The following KRT16 variants were observed in gnomAD, a reference collection of about 807,000 sequenced individuals.
KRT16 encodes the protein keratin, type I cytoskeletal 16.
KRT16 carries 42 observed loss-of-function variants against 44.8 expected under a neutral mutation model. That is an observed-to-expected ratio of 0.94 (90% CI 0.73 to 1.21). KRT16 has a LOEUF of 1.21. Ranked by LOEUF, KRT16 falls within the 50% of genes most tolerant of loss-of-function variation. The pLI, the probability that KRT16 is intolerant of heterozygous loss-of-function variation, is 0.00. For missense variants in KRT16, 561 were observed against 626.9 expected (o/e 0.89, Z 1.12); for synonymous variants, 226 against 260.4 (o/e 0.87, Z 1.27).
intron 1 of KRT16, 92 bp from the exon 2 acceptor site, chr17:41,611,813 AAATCTGG>A: frequency 8.1e-7 from 1 of 1,233,010 alleles, no homozygotes; most frequent in Non-Finnish European, 1.2e-6. Flanking sequence ...GAACCGCCCC[AAATCTGG>A]AAGTCTTCTG....
rs1374734332 is a variant in KRT16, at chr17:41,612,202, C to A, written c.487G>T (p.Asp163Tyr). Residue 163 changes from aspartate (D) to tyrosine (Y), a missense_variant, in exon 1 of 8, where the codon GAC becomes TAC. By Grantham distance (160) the Asp-to-Tyr change is radical. Coordinates refer to ENST00000301653, the MANE Select transcript of KRT16 (RefSeq NM_005557.4). ...YQRQRPSEIK[D>Y]YSPYFKTIED... ...ATGGTCTTGAAGTAGGGACTGTAGT[C>A]TTTGATCTCACTGGGCCGCTGCCTC... 4 of 1,612,812 alleles carry A rather than the reference C, an allele frequency of 2.5e-6. No individual in the cohort carries two copies. The highest frequency in any genetic ancestry group is 3.4e-6 in the Non-Finnish European group (4 of 1,179,988).
At chr17:41,611,019 A>G in intron 4 of KRT16, 40 bp from the exon 5 acceptor site, 1 of 1,613,966 alleles carries the variant, frequency 6.2e-7, no homozygotes, top group Non-Finnish European at 8.5e-7. Context: ...GGCTCTCCCA[A>G]AGCCCCCAGC....
In KRT16 at chr17:41,611,455, T is replaced by C; in HGVS notation, c.661A>G (p.Asn221Asp). 1 of 1,614,112 alleles carries C rather than the reference T, an allele frequency of 6.2e-7. No homozygotes were observed. The highest frequency in any genetic ancestry group is 2.2e-5 in the East Asian group (1 of 44,874). The change falls in exon 3 of 8, where the codon AAT becomes GAT. Residue 221 changes from asparagine (N) to aspartate (D), a missense_variant. Physicochemically the swap from Asn to Asp is conservative, Grantham distance 23. Coordinates refer to ENST00000301653, the MANE Select transcript of KRT16 (RefSeq NM_005557.4). ...ALRQTVEADV[N>D]GLRRVLDELT... ...TCATCCAACACCCGGCGCAGGCCAT[T>C]GACGTCGGCCTCCACAGTCTGCCGC...
At chr17:41,611,028 G>A (rs7350939) in intron 4 of KRT16, 41 bp downstream of exon 4, 9 of 1,613,896 alleles carry the variant, frequency 5.6e-6, no homozygotes, top group Middle Eastern at 1.6e-4. Flanking sequence ...AAAGCCCCCA[G>A]CTGGGAAGTG....
intron 7 of KRT16, 40 bp from the exon 8 acceptor site, chr17:41,610,069 G>A (rs768876928): frequency 2.3e-5 from 36 of 1,578,654 alleles, no homozygotes; most frequent in Admixed American, 3.4e-5. Flanking sequence ...GGGTCTGAGA[G>A]CTAAGCTGAC....
chr17:41,610,428 G>C lies in KRT16; in HGVS notation c.1183C>G (p.Gln395Glu), dbSNP rs753640770. The C allele has an allele frequency of 2.5e-6, 4 of 1,612,124 alleles. No individual in the cohort carries two copies. The East Asian group carries it at 6.7e-5, about 27-fold the overall frequency. The change falls in exon 6 of 8, where the codon CAG (glutamine) becomes GAG (glutamate). Residue 395 changes from glutamine (Q) to glutamate (E), a missense_variant. Physicochemically the swap from Gln to Glu is conservative, Grantham distance 29 (BLOSUM62 2). Transcript: ENST00000301653. ...AAGATCTGGTACTCCTGGCTCTGCT[G>C]CTCCATCTCACAGCGTAGCTGGGCC... ...QLAQLRCEME[Q>E]QSQEYQILLD... is the part of the protein sequence containing the mutation.
intron 5 of KRT16, 48 bp downstream of exon 5, chr17:41,610,806 G>A: frequency 6.2e-7 from 1 of 1,612,098 alleles, no homozygotes; most frequent in Middle Eastern, 2.0e-4. Flanking sequence ...GGGGGTGGTG[G>A]CCATTACTGG....
At chr17:41,611,892 G>A (rs958456644) in intron 1 of KRT16, 171 bp from the exon 2 acceptor site, 7 of 783,206 alleles carry the variant, frequency 8.9e-6, no homozygotes, top group Admixed American at 4.1e-5. Context: ...ACTCCATCCC[G>A]ATCACCCCCT....
In KRT16 at chr17:41,610,903, C is replaced by T. The variant is rs141910921; in HGVS notation, c.1010G>A (p.Arg337Gln). 54 of 1,614,150 alleles carry T rather than the reference C, an allele frequency of 3.3e-5. 3 individuals carry two copies. The South Asian group carries it at 3.4e-4, about 10-fold the overall frequency. The change falls in exon 5 of 8, where the codon CGG (arginine) becomes CAG (glutamine). Residue 337 changes from arginine to glutamine, a missense_variant. By Grantham distance (43) the Arg-to-Gln change is conservative. Coordinates refer to ENST00000301653, the MANE Select transcript of KRT16 (RefSeq NM_005557.4). ...QSSRSEVTEL[R>Q]RVLQGLEIEL... ...AATCTCCAGGCCCTGGAGCACCCTC[C>T]GGAGCTCCGTCACCTCACTGCGGCT... is the stretch of plus-strand genomic sequence containing the variant.
rs750850030 is a variant in KRT16, at chr17:41,612,700, G to C, written c.-12C>G. On this transcript the variant is annotated 5_prime_UTR_variant, in exon 1 of 8. Coordinates refer to ENST00000301653, the MANE Select transcript of KRT16 (RefSeq NM_005557.4). The stretch of plus-strand genomic sequence containing the variant: ...CTGCAGGTGGTCATGGTGCCAAGGA[G>C]GGAGGTGAGCGAGTGAGCAGTTGGC... 24 of 1,584,494 alleles carry C rather than the reference G, an allele frequency of 1.5e-5. No homozygotes were observed. Among genetic ancestry groups the C allele is most frequent in the Non-Finnish European group, 2.1e-5 (24 of 1,167,354 alleles).
chr17:41,611,791 A>G (rs1908213085), intron 1 of KRT16, 70 bp from the exon 2 acceptor site: 7 of 1,419,486 alleles, frequency 4.9e-6, no homozygotes, highest in Middle Eastern at 2.4e-4. Flanking sequence ...GAAAGGCAGA[A>G]AGGGGCAAAA....
rs767786872 is a variant in KRT16, at chr17:41,610,841, G to A, written c.1059+13C>T. ...GTGACTTGGGGGCTGCTGCTGTGCT[G>A]GGTCCTTCATACCATGCTGAGCTGG... On this transcript the variant is annotated intron_variant, in intron 5 of 7. Transcript: ENST00000301653. 1 of 1,613,556 alleles carries A rather than the reference G, an allele frequency of 6.2e-7. No individual in the cohort carries two copies. The highest frequency in any genetic ancestry group is 1.3e-5 in the African/African-American group (1 of 75,032).
intron 2 of KRT16, 51 bp from the exon 3 acceptor site, chr17:41,611,552 G>T: frequency 1.9e-6 from 3 of 1,610,408 alleles, no homozygotes; most frequent in Non-Finnish European, 2.5e-6. Flanking sequence ...GGATTCTGAG[G>T]CTCGGGGTCT....
In KRT16 at chr17:41,612,547, C is replaced by T; in HGVS notation, c.142G>A (p.Gly48Ser). 6.3e-7 allele frequency: 1 copy of T among 1,595,076 alleles called. No homozygotes were observed. The highest frequency in any genetic ancestry group is 2.3e-5 in the East Asian group (1 of 43,934). ...AAGCGAGAGGAGACAGACAGGCCGC[C>T]CCCGTAGGTGCTGGGGGCACGGCAG... ...GSCRAPSTYG[G>S]GLSVSSRFSS... is the part of the protein sequence containing the mutation. The change falls in exon 1 of 8, where the codon GGC (glycine) becomes AGC (serine). Residue 48 changes from glycine (G) to serine (S), a missense_variant. By Grantham distance (56) the Gly-to-Ser change is moderately conservative (BLOSUM62 0). Transcript: ENST00000301653.
In KRT16 at chr17:41,610,515, C is replaced by A. The variant is rs372739869; in HGVS notation, c.1096G>T (p.Gly366Cys). The A allele has an allele frequency of 5.1e-5, 82 of 1,611,972 alleles. 1 individual carries two copies. In the South Asian group the frequency reaches 7.1e-4, roughly 14 times the overall value. The change falls in exon 6 of 8, where the codon GGC (glycine) becomes TGC (cysteine). Residue 366 changes from glycine to cysteine, a missense_variant. Coordinates refer to ENST00000301653, the MANE Select transcript of KRT16 (RefSeq NM_005557.4). ...SLENSLEETK[G>C]RYCMQLSQIQ... The stretch of plus-strand genomic sequence containing the variant: ...TGGGACAGCTGCATGCAGTAGCGGC[C>A]TTTGGTCTCCTCCAGGCTGTTCTCC...
chr17:41,610,131 C>T (rs1418095127), intron 7 of KRT16, 59 bp downstream of exon 7: 9 of 1,606,748 alleles, frequency 5.6e-6, no homozygotes, highest in Non-Finnish European at 6.8e-6. Flanking sequence ...AGGGCCCAGC[C>T]CCCACTCCAT....
At position 41,610,875 on chromosome 17, in the gene KRT16, C is replaced by T; in HGVS notation, c.1038G>A (p.Glu346=). Reference sequence around the variant, plus strand: ...ATACCATGCTGAGCTGGGACTGCAGCTCAATCTCCAGGCCCTGGAGCACCC... The same window carrying T: ...ATACCATGCTGAGCTGGGACTGCAGTTCAATCTCCAGGCCCTGGAGCACCC... The part of the protein sequence containing the change: ...LRRVLQGLEI[E]LQSQLSMKAS... Residue 346 remains glutamate, a synonymous_variant, in exon 5 of 8, where the codon GAG becomes GAA. Transcript: ENST00000301653. The T allele has an allele frequency of 6.2e-7, 1 of 1,614,052 alleles. No homozygotes were observed. The highest frequency in any genetic ancestry group is 1.1e-5 in the South Asian group (1 of 91,058).
intron 5 of KRT16, 142 bp from the exon 6 acceptor site, chr17:41,610,693 C>T: frequency 6.8e-7 from 1 of 1,461,336 alleles, no homozygotes. Context: ...GAAAAGCTAG[C>T]CCACTATTCT....
Position 41,611,235 on chromosome 17 carries a change from G to T in KRT16, c.772-5C>A, listed in dbSNP as rs372994057. On this transcript the variant is annotated splice_polypyrimidine_tract_variant and splice_region_variant and intron_variant, in intron 3 of 7. Coordinates refer to ENST00000301653, the MANE Select transcript of KRT16 (RefSeq NM_005557.4). ...ACCTCTCAGAGCAAGCATCTCCTGG[G>T]AAGGGATGGCAGGAGGCGGTCAGTT... is the stretch of plus-strand genomic sequence containing the variant. The T allele has an allele frequency of 2.4e-5, 38 of 1,613,876 alleles. No homozygotes were observed. Among genetic ancestry groups the T allele is most frequent in the Non-Finnish European group, 3.1e-5 (36 of 1,179,878 alleles).
Sources: gnomAD v4.1 joint callset for allele counts on GRCh38, gnomAD v4.1.1 for gene constraint, MANE v1.5 for transcripts, NCBI Gene and HGNC (gene_info 2026-07-23, HGNC 2026-07-21) for gene names.